TRPM1: variants seen among roughly 807,000 people sequenced by gnomAD.
The protein encoded by TRPM1 is TRPM1-203 APA Isoform, Intron 10.
Under a neutral mutation model 149.4 loss-of-function variants are expected in TRPM1, and 113 were observed. That is an observed-to-expected ratio of 0.76 (90% CI 0.65 to 0.88). TRPM1 has a LOEUF of 0.88. TRPM1 is among the 40% of genes least tolerant of loss of function. TRPM1 has a pLI of 0.00. For missense variants in TRPM1, 1,976 were observed against 2,038.7 expected, an observed-to-expected ratio of 0.97 and a Z score of 0.59; for synonymous variants, 741 against 759.5, an observed-to-expected ratio of 0.98 and a Z score of 0.40.
intron 1 of TRPM1, among the ~76,000 whole-genome samples, chr15:31,115,338 G>A (rs957111230): frequency 3.3e-5 from 5 of 152,044 alleles, no homozygotes; most frequent in Admixed American, 2.6e-4. Flanking sequence ...TTCTGGTTTC[G>A]GCTTGTATGT....
In TRPM1 at chr15:31,066,080, G is replaced by A; in HGVS notation, c.786C>T (p.Asn262=). 1 of 1,614,032 alleles carries A rather than the reference G, an allele frequency of 6.2e-7. No individual in the cohort carries two copies. Among genetic ancestry groups the A allele is most frequent in the Non-Finnish European group, 8.5e-7 (1 of 1,179,894 alleles). The part of the protein sequence containing the change: ...LEKHISLQKI[N]TRLGQGVPLV... ...CGTGCCTTTGCCAGCACTTACTTGT[G>A]TTGATCTTCTGCAGGGAGATGTGCT... The change falls in exon 7 of 28, where the codon AAC becomes AAT. Residue 262 remains asparagine, a synonymous_variant. Coordinates refer to ENST00000256552, the MANE Select transcript of TRPM1 (RefSeq NM_001252024.2).
intron 1 of TRPM1, among the ~76,000 whole-genome samples, chr15:31,127,632 T>C (rs2035967398): frequency 6.6e-6 from 1 of 152,044 alleles, no homozygotes; most frequent in Non-Finnish European, 1.5e-5. Context: ...CTCAGCTAAG[T>C]CTTGTTTTGT....
intron 27 of TRPM1, among the ~76,000 whole-genome samples, chr15:31,017,299 ACT>A (rs1233412242): frequency 1.3e-5 from 2 of 152,284 alleles, no homozygotes; most frequent in East Asian, 1.9e-4. Context: ...ACAGAGCAAG[ACT>A]CTGTCTCAAA....
chr15:31,012,678 C>A (rs929899680), intron 27 of TRPM1, among the ~76,000 whole-genome samples: 1 of 152,048 alleles, frequency 6.6e-6, no homozygotes, highest in African/African-American at 2.4e-5. Context: ...AAAATTTTGG[C>A]CATTATTTCT....
At chr15:31,126,880 T>A (rs1241294186) in intron 1 of TRPM1, among the ~76,000 whole-genome samples, 1 of 152,150 alleles carries the variant, frequency 6.6e-6, no homozygotes, top group Non-Finnish European at 1.5e-5. Flanking sequence ...GGCACAAGAA[T>A]CGCTTGAACC....
chr15:31,049,640 C>A, intron 12 of TRPM1, 131 bp from the exon 13 acceptor site: 2 of 1,049,354 alleles, frequency 1.9e-6, no homozygotes, highest in South Asian at 1.3e-5. Context: ...GTACTCTTTG[C>A]TCTTTATCTT....
In TRPM1 at chr15:31,114,267, G is replaced by A. The variant is rs139226130; in HGVS notation, c.55-37283C>T. Reference sequence around the variant, plus strand: ...TCCCATTTATAAGTGAGGACATGTGGTATTTGGTTTTCTGTTCCTGTGTTA... The same window carrying A: ...TCCCATTTATAAGTGAGGACATGTGATATTTGGTTTTCTGTTCCTGTGTTA... On this transcript the variant is annotated intron_variant, in intron 1 of 26. Coordinates refer to the TRPM1 transcript ENST00000542188. Among the ~76,000 whole-genome samples, 401 of 152,278 alleles carry A rather than the reference G, an allele frequency of 2.6e-3. 6 individuals are homozygous for A. Among genetic ancestry groups the A allele is most frequent in the African/African-American group, 9.2e-3 (381 of 41,558 alleles).
chr15:31,096,066 TAG>T (rs2035373206), intron 1 of TRPM1, among the ~76,000 whole-genome samples: 1 of 142,372 alleles, frequency 7.0e-6, no homozygotes, highest in Non-Finnish European at 1.5e-5. Flanking sequence ...AAAATAAAAA[TAG>T]AAAAGAAAAG....
chr15:31,040,236 C>G lies in TRPM1; in HGVS notation c.2198G>C (p.Cys733Ser). Residue 733 changes from cysteine (C) to serine (S), a missense_variant, in exon 18 of 28, where the codon TGC (cysteine) becomes TCC (serine). Cys to Ser is a moderately radical substitution (Grantham distance 112). Around this residue, in one of 3 missense-constraint regions of TRPM1, gnomAD observed 1,332 missense variants for 1,347.1 expected, o/e 0.99. Coordinates refer to ENST00000256552, the MANE Select transcript of TRPM1 (RefSeq NM_001252024.2). This position sits in a 1 kb window ranked among gnomAD's most constrained non-coding sequence, Gnocchi z 4.2. Reference sequence around the variant, plus strand: ...TTTGGCTGCCACGGCCAGTTTGAGGCAGGTCGAGTTGCTCCAGTTTTTCAG... The same window carrying G: ...TTTGGCTGCCACGGCCAGTTTGAGGGAGGTCGAGTTGCTCCAGTTTTTCAG... ...YELKNWSNSTCLKLAVAAKHR... is the reference protein window; with the variant it reads ...YELKNWSNSTSLKLAVAAKHR... The G allele has an allele frequency of 6.2e-7, 1 of 1,614,208 alleles. No homozygotes were observed. The highest frequency in any genetic ancestry group is 8.5e-7 in the Non-Finnish European group (1 of 1,180,034).
intron 3 of TRPM1, among the ~76,000 whole-genome samples, chr15:31,075,144 C>A (rs1254697241): frequency 6.6e-6 from 1 of 152,146 alleles, no homozygotes; most frequent in African/African-American, 2.4e-5. Flanking sequence ...AATGTGTTTT[C>A]TATTGTTACT....
rs1468819931 is a variant in TRPM1, at chr15:31,061,457, T to C, written c.1147A>G (p.Thr383Ala). The C allele has an allele frequency of 6.2e-7, 1 of 1,614,056 alleles. No homozygotes were observed. Among genetic ancestry groups the C allele is most frequent in the South Asian group, 1.1e-5 (1 of 91,060 alleles). ...GAGAGCTCACCTTTCAGCAGGGCAG[T>C]TAAAATTGCCATCTCGATGTCCTGC... ...GQQDIEMAIL[T>A]ALLKGTNVSA... Residue 383 changes from threonine (T) to alanine (A), a missense_variant, in exon 10 of 28, where the codon ACT (threonine) becomes GCT (alanine). Physicochemically the swap from Thr to Ala is moderately conservative, Grantham distance 58 (BLOSUM62 0). Transcript: ENST00000256552.
chr15:31,026,643 T>C (rs1004347829), intron 26 of TRPM1, among the ~76,000 whole-genome samples: 1 of 152,222 alleles, frequency 6.6e-6, no homozygotes, highest in Non-Finnish European at 1.5e-5. Context: ...GCATTGAATT[T>C]ATATAGAAAT....
Position 31,037,776 on chromosome 15 carries a change from T to C in TRPM1, c.2506A>G (p.Ile836Val). 1.9e-6 allele frequency: 3 copies of C among 1,614,252 alleles called. No individual in the cohort carries two copies. The highest frequency in any genetic ancestry group is 2.5e-6 in the Non-Finnish European group (3 of 1,180,038). ...EENEHKKQRS[I>V]PIGTKICEFY... ...TCACAGATCTTTGTTCCGATGGGAATACTTCTCTGTTTTTTGTGCTCGTTC... is the reference window on the plus strand; with the variant it reads ...TCACAGATCTTTGTTCCGATGGGAACACTTCTCTGTTTTTTGTGCTCGTTC... The change falls in exon 20 of 28, where the codon ATT (isoleucine) becomes GTT (valine). Residue 836 changes from isoleucine to valine, a missense_variant. Ile to Val is a conservative substitution (Grantham distance 29). Transcript: ENST00000256552.
Position 31,002,502 on chromosome 15 carries a change from A to G in TRPM1, c.4198T>C (p.Ser1400Pro). The G allele has an allele frequency of 1.2e-6, 2 of 1,614,012 alleles. No homozygotes were observed. Among genetic ancestry groups the G allele is most frequent in the Non-Finnish European group, 1.7e-6 (2 of 1,180,010 alleles). ...QTDSKKEETI[S>P]PSLNKTDVIH... ...ACATCTGTTTTATTTAAACTTGGGG[A>G]AATAGTTTCTTCTTTTTTAGAGTCT... The change falls in exon 28 of 28, where the codon TCC becomes CCC. Residue 1400 changes from serine to proline, a missense_variant. Transcript: ENST00000256552.
chr15:31,004,877 G>T (rs539528725), intron 27 of TRPM1, among the ~76,000 whole-genome samples: 18 of 152,202 alleles, frequency 1.2e-4, no homozygotes, highest in African/African-American at 4.3e-4. Context: ...CAAGGCGGGT[G>T]GATCACCTGA....
rs1416736335 is a variant in TRPM1 at position 31,067,891 on chromosome 15, C to G, written c.481G>C (p.Gly161Arg). The change falls in exon 5 of 28, where the codon GGT (glycine) becomes CGT (arginine). Residue 161 changes from glycine (G) to arginine (R), a missense_variant. By Grantham distance (125) the Gly-to-Arg change is moderately radical. This residue lies in a region of TRPM1 where 1,332 missense variants were observed against 1,347.1 expected (regional missense o/e 0.99). Transcript: ENST00000256552. ...MTTGAWIFTG[G>R]VSTGVISHVG... The stretch of plus-strand genomic sequence containing the variant: ...GGCCTGCTCTTACCTGTGCTGACAC[C>G]CCCGGTGAAGATCCAGGCCCCGGTG... 6.2e-7 allele frequency: 1 copy of G among 1,612,862 alleles called. No individual in the cohort carries two copies. The highest frequency in any genetic ancestry group is 1.7e-5 in the Admixed American group (1 of 60,000).
chr15:31,113,738 A>T (rs12913202), intron 1 of TRPM1, among the ~76,000 whole-genome samples: 30,630 of 152,068 alleles, frequency 0.2, 3,598 homozygotes, highest in African/African-American at 0.29. Flanking sequence ...ACCGCCTTTA[A>T]GAATGAAGCA....
At chr15:31,105,757 G>T (rs1265504870), upstream of TRPM1, among the ~76,000 whole-genome samples, 1 of 152,118 alleles carries the variant, frequency 6.6e-6, no homozygotes, top group Non-Finnish European at 1.5e-5. Flanking sequence ...GTTTTTTCAA[G>T]AACTTAAAGT....
chr15:31,118,868 C>T (rs539201766), intron 1 of TRPM1, among the ~76,000 whole-genome samples: 3 of 149,932 alleles, frequency 2.0e-5, no homozygotes, highest in East Asian at 3.9e-4. Context: ...ATTACCATCA[C>T]ATTGGGATTA....
Sources: gnomAD v4.1 joint callset for allele counts (sites outside exome capture counted in the v4.1 genomes callset) on GRCh38, gnomAD v4.1.1 for gene constraint, gnomAD v4.1.1 regional missense constraint, Gnocchi (gnomAD v3.1) non-coding constraint, MANE v1.5 for transcripts, NCBI Gene and HGNC (gene_info 2026-07-23, HGNC 2026-07-21) for gene names.